Variants in COL12A1 observed in about 807,000 individuals in gnomAD.
COL12A1 encodes collagen alpha-1(XII) chain.
In COL12A1, 114 loss-of-function variants were observed where a neutral mutation model predicts 349.7. That is an observed-to-expected ratio of 0.33 (90% CI 0.28 to 0.38). The LOEUF is 0.38. COL12A1 is among the 10% of genes least tolerant of loss of function. The pLI is 1.00. For missense variants in COL12A1, 3,284 were observed against 3,756.9 expected (o/e 0.87, Z 3.29); for synonymous variants, 1,369 against 1,329.0 (o/e 1.03, Z -0.66).
chr6:75,096,758 T>A (rs1258329749), intron 59 of COL12A1, among the ~76,000 whole-genome samples: 4 of 150,908 alleles, frequency 2.7e-5, no homozygotes, highest in African/African-American at 9.7e-5. Context: ...TAGCCGGGCG[T>A]AGTGGCGGGC....
Position 75,154,428 on chromosome 6 carries a change from T to C in COL12A1, c.3553A>G (p.Ile1185Val), listed in dbSNP as rs753994289. Residue 1185 changes from isoleucine (I) to valine (V), a missense_variant, in exon 17 of 66, where the codon ATT becomes GTT. This residue lies in a region of COL12A1 where 2,601 missense variants were observed against 2,824.8 expected (regional missense o/e 0.92). Coordinates refer to ENST00000322507, the MANE Select transcript of COL12A1 (RefSeq NM_004370.6). ...TTLSDTTVMP[I>V]LSSGMECLTR... ...CTCAATTTCTTACCAGAAGATAAAA[T>C]TGGCATAACAGTTGTGTCGGAAAGG... 2 of 1,611,458 alleles carry C rather than the reference T, an allele frequency of 1.2e-6. No individual in the cohort carries two copies. The highest frequency in any genetic ancestry group is 1.7e-6 in the Non-Finnish European group (2 of 1,178,552).
Position 75,086,555 on chromosome 6 carries a change from A to G in COL12A1, c.9184T>C (p.Ser3062Pro). 3.1e-6 allele frequency: 5 copies of G among 1,606,240 alleles called. No homozygotes were observed. The highest frequency in any genetic ancestry group is 4.3e-6 in the Non-Finnish European group (5 of 1,175,416). Residue 3062 changes from serine to proline, a missense_variant and splice_region_variant, in exon 66 of 66, where the codon TCC becomes CCC. By Grantham distance (74) the Ser-to-Pro change is moderately conservative (BLOSUM62 -1). Coordinates refer to ENST00000322507, the MANE Select transcript of COL12A1 (RefSeq NM_004370.6). ...IPYNGQGYPG[S>P]G Reference sequence around the variant, plus strand: ...GCGACTTAGAAAATGTGTTAGCCGGAACCTGAAACAGGTCAAAGATGATAG... The same window carrying G: ...GCGACTTAGAAAATGTGTTAGCCGGGACCTGAAACAGGTCAAAGATGATAG...
At chr6:75,194,737 G>A in intron 3 of COL12A1, 94 bp downstream of exon 3, 1 of 756,890 alleles carries the variant, frequency 1.3e-6, no homozygotes, top group Non-Finnish European at 2.1e-6. Context: ...GCTTCCTAAA[G>A]CACAGCTTCT....
Position 75,113,118 on chromosome 6 carries a change from C to T in COL12A1, c.7950+86G>A, listed in dbSNP as rs1768913390. 7.7e-6 allele frequency: 5 copies of T among 648,038 alleles called. 1 individual carries two copies. The highest frequency in any genetic ancestry group is 5.7e-5 in the South Asian group (2 of 35,124). The allele number at this position is 648,038 out of a possible 1,614,324, so 40.1% of individuals were successfully genotyped here. A position where few individuals can be genotyped will look rare whatever the true frequency, so the allele number is the denominator to read the frequency against. On this transcript the variant is annotated intron_variant, in intron 51 of 65. Transcript: ENST00000322507. Reference sequence around the variant, plus strand: ...TTTAAAAGACATAGTTATAATTCTGCCAATTTAACATGACATTTTAATAAA... The same window carrying T: ...TTTAAAAGACATAGTTATAATTCTGTCAATTTAACATGACATTTTAATAAA...
At position 75,143,392 on chromosome 6, in the gene COL12A1, G is replaced by T. The variant is rs767600768; in HGVS notation, c.4691-4C>A. ...TCCTGAGGTCTGGGTAAAGGCACTA[G>T]AGAAGCACGAGATATTAAATCCAGA... On this transcript the variant is annotated splice_polypyrimidine_tract_variant and splice_region_variant and intron_variant, in intron 25 of 65. Transcript: ENST00000322507. 6.2e-7 allele frequency: 1 copy of T among 1,612,008 alleles called. No individual in the cohort carries two copies. Among genetic ancestry groups the T allele is most frequent in the South Asian group, 1.1e-5 (1 of 90,546 alleles).
chr6:75,188,546 A>T lies in COL12A1; in HGVS notation c.824-11T>A. On this transcript the variant is annotated splice_polypyrimidine_tract_variant and intron_variant, in intron 7 of 65. Coordinates refer to ENST00000322507, the MANE Select transcript of COL12A1 (RefSeq NM_004370.6). ...CTGCAGCTTTAATGCCTTCAAAACA[A>T]AAGGATAAGGACATATTGAAATGGG... The T allele has an allele frequency of 6.2e-7, 1 of 1,610,520 alleles. No individual in the cohort carries two copies. The highest frequency in any genetic ancestry group is 1.3e-5 in the African/African-American group (1 of 74,978).
chr6:75,202,866 G>C, intron 1 of COL12A1, 39 bp from the exon 2 acceptor site: 8 of 1,411,560 alleles, frequency 5.7e-6, no homozygotes, highest in Non-Finnish European at 7.8e-6. Context: ...AACTGGGTCT[G>C]GGCAGGCCTT....
chr6:75,136,329 A>G (rs1766607374), intron 31 of COL12A1, among the ~76,000 whole-genome samples: 1 of 152,228 alleles, frequency 6.6e-6, no homozygotes, highest in South Asian at 2.1e-4. Flanking sequence ...ATTTACCTAA[A>G]ACAGACAAAT....
At chr6:75,169,552 T>C (rs1768515969) in intron 13 of COL12A1, among the ~76,000 whole-genome samples, 1 of 152,224 alleles carries the variant, frequency 6.6e-6, no homozygotes, top group Non-Finnish European at 1.5e-5. Context: ...CTCTTTCTTC[T>C]GTTCCCCAAG....
intron 3 of COL12A1, among the ~76,000 whole-genome samples, chr6:75,193,710 A>G (rs1335841514): frequency 6.6e-6 from 1 of 151,964 alleles, no homozygotes; most frequent in Non-Finnish European, 1.5e-5. Context: ...ATATCTCCTA[A>G]TGCTATCCCT....
rs1442019750 is a variant in COL12A1 at position 75,125,137 on chromosome 6, T to C, written c.6597A>G (p.Gln2199=). The change falls in exon 40 of 66, where the codon CAA becomes CAG. Residue 2199 remains glutamine, a synonymous_variant. Transcript: ENST00000322507. ...ATATCCATGACTCACATGTAGTGCC[T>C]TGATCTGTCAAGGGGACACTGAGTC... The part of the protein sequence containing the change: ...DSGLSVPLTD[Q]GTTLYLNVTD... The C allele has an allele frequency of 1.9e-6, 3 of 1,602,962 alleles. No individual in the cohort carries two copies. In the African/African-American group the frequency reaches 4.0e-5, roughly 22 times the overall value.
intron 1 of COL12A1, among the ~76,000 whole-genome samples, chr6:75,204,938 T>G (rs1770706646): frequency 6.6e-6 from 1 of 151,396 alleles, no homozygotes; most frequent in Non-Finnish European, 1.5e-5. Flanking sequence ...GGATCGAGAG[T>G]CTCCCTGGCC....
chr6:75,142,968 T>A (rs571573777), intron 26 of COL12A1, among the ~76,000 whole-genome samples: 7 of 152,334 alleles, frequency 4.6e-5, no homozygotes, highest in Non-Finnish European at 1.0e-4. Context: ...ATATAAGGAA[T>A]CTGGATGGGA....
chr6:75,143,458 C>T lies in COL12A1; in HGVS notation c.4691-70G>A, dbSNP rs1403091305. 5.2e-6 allele frequency: 8 copies of T among 1,542,040 alleles called. No homozygotes were observed. The Admixed American group carries it at 1.9e-4, about 36-fold the overall frequency. ...CAAAGCTCCAAAGCATCCATGCAAGCTTTCAAGAAGTTGTTTGGAGAAAAT... is the reference window on the plus strand; with the variant it reads ...CAAAGCTCCAAAGCATCCATGCAAGTTTTCAAGAAGTTGTTTGGAGAAAAT... On this transcript the variant is annotated intron_variant, in intron 25 of 65. Coordinates refer to ENST00000322507, the MANE Select transcript of COL12A1 (RefSeq NM_004370.6).
intron 42 of COL12A1, among the ~76,000 whole-genome samples, chr6:75,123,622 T>C (rs1301069995): frequency 6.6e-6 from 1 of 152,058 alleles, no homozygotes. Flanking sequence ...AAAATAAAGA[T>C]CTAAAGGGAA....
chr6:75,143,699 T>A (rs993275349), intron 25 of COL12A1, among the ~76,000 whole-genome samples: 1 of 152,268 alleles, frequency 6.6e-6, no homozygotes, highest in Non-Finnish European at 1.5e-5. Flanking sequence ...TAAATCATAA[T>A]TCATCATAAA....
At chr6:75,087,771 T>C (rs778727603) in intron 64 of COL12A1, 24 bp from the exon 65 acceptor site, 4 of 1,599,550 alleles carry the variant, frequency 2.5e-6, no homozygotes, top group Non-Finnish European at 3.4e-6. Flanking sequence ...AAAACAAATA[T>C]ATTTCCCCTC....
intron 8 of COL12A1, among the ~76,000 whole-genome samples, chr6:75,185,275 C>A: frequency 6.6e-6 from 1 of 152,228 alleles, no homozygotes; most frequent in Admixed American, 6.5e-5. Flanking sequence ...AGCAAAGTCT[C>A]AGGATATAAA....
intron 59 of COL12A1, among the ~76,000 whole-genome samples, chr6:75,096,831 G>A (rs1296938805): frequency 2.1e-5 from 3 of 144,816 alleles, no homozygotes; most frequent in African/African-American, 7.7e-5. Context: ...GGGAGGCGGA[G>A]CTTGCAGTGA....
Sources: allele counts gnomAD v4.1 joint callset (sites outside exome capture counted in the v4.1 genomes callset), GRCh38; gene constraint gnomAD v4.1.1; regional missense constraint gnomAD v4.1.1; transcripts MANE v1.5; gene names NCBI Gene and HGNC (gene_info 2026-07-23, HGNC 2026-07-21).